Variants in PRKG1 observed in about 807,000 individuals in gnomAD.
PRKG1 encodes cGMP-dependent protein kinase 1.
PRKG1 carries 35 observed loss-of-function variants against 88.1 expected under a neutral mutation model. The ratio of observed to expected loss-of-function variants is 0.40; its 90% CI spans 0.30 to 0.53. The LOEUF (loss-of-function observed/expected upper bound fraction) is 0.53. Ranked by LOEUF, PRKG1 falls within the 20% of genes least tolerant of loss-of-function variation. The pLI, the probability that PRKG1 is intolerant of heterozygous loss-of-function variation, is 0.59. For synonymous variants in PRKG1, 303 were observed against 292.5 expected (o/e 1.04, Z -0.37); for missense variants, 540 against 839.8 (o/e 0.64, Z 4.41).
At chr10:51,599,620 G>A (rs554032404) in intron 3 of PRKG1, among the ~76,000 whole-genome samples, 12 of 152,116 alleles carry the variant, frequency 7.9e-5, no homozygotes, top group Non-Finnish European at 1.6e-4. Context: ...CTGAGAAAAT[G>A]TTTTGTTCTA....
rs61468955 is a variant in PRKG1 at position 51,135,999 on chromosome 10, G to A, written c.312-17165G>A. On this transcript the variant is annotated intron_variant, in intron 1 of 17. Coordinates refer to ENST00000373980, the MANE Select transcript of PRKG1 (RefSeq NM_006258.4). ...GGGGGAGGGGGGAGGGATAGCATTAGGAGATATACCTAATGCTAAATGACG... is the reference window on the plus strand; with the variant it reads ...GGGGGAGGGGGGAGGGATAGCATTAAGAGATATACCTAATGCTAAATGACG... Among the ~76,000 whole-genome samples the A allele has an allele frequency of 2.2e-3, 326 of 150,720 alleles. 1 individual carries two copies. The highest frequency in any genetic ancestry group is 7.9e-3 in the African/African-American group (322 of 40,852).
chr10:51,817,064 A>C (rs530376706), intron 4 of PRKG1, among the ~76,000 whole-genome samples: 32 of 152,274 alleles, frequency 2.1e-4, no homozygotes, highest in African/African-American at 7.5e-4. Context: ...CAGAATTCTA[A>C]ATTGTTACAA....
intron 5 of PRKG1, among the ~76,000 whole-genome samples, chr10:51,931,227 T>G (rs1352143490): frequency 6.6e-6 from 1 of 152,198 alleles, no homozygotes; most frequent in East Asian, 1.9e-4. Flanking sequence ...TAGACCATCT[T>G]TTGTTACTCG....
chr10:51,161,524 G>A (rs992729569), intron 2 of PRKG1, among the ~76,000 whole-genome samples: 2 of 152,132 alleles, frequency 1.3e-5, no homozygotes, highest in African/African-American at 4.8e-5. Flanking sequence ...AAGAGGCATA[G>A]TGTGGCTTTT....
chr10:51,812,036 A>G (rs1376904404), intron 4 of PRKG1, among the ~76,000 whole-genome samples: 1 of 152,202 alleles, frequency 6.6e-6, no homozygotes, highest in Non-Finnish European at 1.5e-5. Flanking sequence ...TTCACCATTT[A>G]TAGGTATATG....
chr10:51,312,762 G>T (rs1171472113), intron 2 of PRKG1, among the ~76,000 whole-genome samples: 1 of 151,518 alleles, frequency 6.6e-6, no homozygotes, highest in East Asian at 2.0e-4. Flanking sequence ...GCTGATGAAT[G>T]AACCTTCACA....
rs1589077975 is a variant in PRKG1, at chr10:51,557,133, T to A, written c.592+89297T>A. 2.0e-5 allele frequency among the ~76,000 whole-genome samples: 3 copies of A among 152,150 alleles called. No homozygotes were observed. The South Asian group carries it at 6.2e-4, about 32-fold the overall frequency. Reference sequence around the variant, plus strand: ...TTTCTTCCAGCTTCTTTTTCTTCTCTTATCCCTTTTCCCTCTCATTGTGGT... The same window carrying A: ...TTTCTTCCAGCTTCTTTTTCTTCTCATATCCCTTTTCCCTCTCATTGTGGT... On this transcript the variant is annotated intron_variant, in intron 3 of 17. Transcript: ENST00000373980.
chr10:52,078,566 A>G (rs1564459343), intron 7 of PRKG1, among the ~76,000 whole-genome samples: 1 of 152,206 alleles, frequency 6.6e-6, no homozygotes. Flanking sequence ...AGAGGTAACA[A>G]AAAGATTAAG....
intron 5 of PRKG1, among the ~76,000 whole-genome samples, chr10:52,044,791 A>G (rs1234760235): frequency 6.6e-6 from 1 of 152,138 alleles, no homozygotes. Flanking sequence ...AGAACAAGGG[A>G]CACAGCAGCA....
At chr10:51,230,915 G>A (rs1838827998) in intron 2 of PRKG1, among the ~76,000 whole-genome samples, 1 of 152,024 alleles carries the variant, frequency 6.6e-6, no homozygotes, top group Non-Finnish European at 1.5e-5. Flanking sequence ...GCACTTTAAA[G>A]GAAAAATATG....
chr10:51,280,427 G>A (rs1248796151), intron 2 of PRKG1, among the ~76,000 whole-genome samples: 2 of 152,114 alleles, frequency 1.3e-5, no homozygotes, highest in Non-Finnish European at 2.9e-5. Flanking sequence ...GCCTTGCTAG[G>A]TTGGGGAAGT....
At chr10:52,281,742 A>G (rs1031009794) in intron 13 of PRKG1, among the ~76,000 whole-genome samples, 5 of 152,150 alleles carry the variant, frequency 3.3e-5, no homozygotes, top group Non-Finnish European at 7.4e-5. Context: ...TACTAAATGA[A>G]TTGTCGCCTT....
intron 1 of PRKG1, among the ~76,000 whole-genome samples, chr10:51,098,734 T>C (rs1380923507): frequency 6.6e-6 from 1 of 152,192 alleles, no homozygotes; most frequent in African/African-American, 2.4e-5. Context: ...TCTTTACAAG[T>C]TTTAAAGGAC....
chr10:51,646,298 C>A (rs900470537), intron 3 of PRKG1, among the ~76,000 whole-genome samples: 2 of 151,998 alleles, frequency 1.3e-5, no homozygotes, highest in African/African-American at 4.8e-5. Flanking sequence ...ATAATATATA[C>A]CTCTGAGGGT....
chr10:51,630,294 G>A (rs59539258), intron 3 of PRKG1, among the ~76,000 whole-genome samples: 2,582 of 152,188 alleles, frequency 0.017, 84 homozygotes, highest in African/African-American at 0.059. Flanking sequence ...ACTTTAATGC[G>A]GTTAATTTTA....
At chr10:51,535,789 A>G (rs1027428085) in intron 3 of PRKG1, among the ~76,000 whole-genome samples, 16 of 150,736 alleles carry the variant, frequency 1.1e-4, no homozygotes, top group Admixed American at 1.3e-4. Context: ...AAATGGCACG[A>G]TATCAGCTCA....
intron 2 of PRKG1, among the ~76,000 whole-genome samples, chr10:51,303,557 G>A (rs1449054238): frequency 2.0e-5 from 3 of 151,606 alleles, no homozygotes; most frequent in Non-Finnish European, 2.9e-5. Flanking sequence ...AGAAAACTTC[G>A]CTGGATATTT....
chr10:51,127,697 T>A (rs184889058), intron 1 of PRKG1, among the ~76,000 whole-genome samples: 220 of 152,222 alleles, frequency 1.4e-3, no homozygotes, highest in Middle Eastern at 0.01. Context: ...AGCAAAGACA[T>A]GGAACTAACC....
At chr10:51,474,640 A>T (rs1241188416) in intron 3 of PRKG1, among the ~76,000 whole-genome samples, 1 of 152,028 alleles carries the variant, frequency 6.6e-6, no homozygotes, top group Non-Finnish European at 1.5e-5. Flanking sequence ...TTTACATAAA[A>T]TATGTTAGTT....
Sources: allele counts gnomAD v4.1 joint callset (sites outside exome capture counted in the v4.1 genomes callset), GRCh38; gene constraint gnomAD v4.1.1; transcripts MANE v1.5; gene names NCBI Gene and HGNC (gene_info 2026-07-23, HGNC 2026-07-21).